RANBP2: variants seen among roughly 807,000 people sequenced by gnomAD.
RANBP2 encodes E3 SUMO-protein ligase RanBP2.
A neutral mutation model predicts 303.6 loss-of-function variants in RANBP2; 57 were observed. The ratio of observed to expected loss-of-function variants is 0.19; its 90% confidence interval spans 0.15 to 0.23. The LOEUF (loss-of-function observed/expected upper bound fraction) is 0.23. Ranked by LOEUF, RANBP2 falls within the 10% of genes least tolerant of loss-of-function variation. The probability of loss-of-function intolerance (pLI) is 1.00; values close to 1 mark genes in which losing one functional copy is unlikely to be tolerated. For synonymous variants in RANBP2, 1,167 were observed against 1,301.5 expected (o/e 0.90, Z 2.23); for missense variants, 3,138 against 3,780.8 (o/e 0.83, Z 4.46).
chr2:109,028,133 A>G, the RANBP2 span, among the ~76,000 whole-genome samples: 1 of 152,124 alleles, frequency 6.6e-6, no homozygotes, highest in African/African-American at 2.4e-5. Flanking sequence ...TACCTGGGCC[A>G]GGTGACATAC....
At chr2:109,495,547 G>A in the RANBP2 span, among the ~76,000 whole-genome samples, 17 of 134,004 alleles carry the variant, frequency 1.3e-4, no homozygotes, top group African/African-American at 4.4e-4. Flanking sequence ...AGTGTGCAGC[G>A]GTGCAATCTT....
At chr2:109,574,735 T>G in the RANBP2 span, 17 of 1,598,626 alleles carry the variant, frequency 1.1e-5, no homozygotes, top group Non-Finnish European at 1.3e-5. Flanking sequence ...GGCCTCAAAC[T>G]GAGCATCTAT....
the RANBP2 span, among the ~76,000 whole-genome samples, chr2:109,402,671 A>T: frequency 1.3e-5 from 2 of 152,214 alleles, no homozygotes; most frequent in Non-Finnish European, 2.9e-5. Flanking sequence ...GACTGACAGG[A>T]TGAATTCTTG....
the RANBP2 span, among the ~76,000 whole-genome samples, chr2:109,672,490 A>AG: frequency 3.3e-5 from 5 of 152,364 alleles, no homozygotes; most frequent in East Asian, 9.6e-4. Context: ...AATTGTTTTA[A>AG]GGCCAAGGTT....
At chr2:109,202,402 C>T in the RANBP2 span, among the ~76,000 whole-genome samples, 7 of 152,248 alleles carry the variant, frequency 4.6e-5, no homozygotes, top group South Asian at 1.5e-3. Context: ...CCTAATTGCC[C>T]GAACTTAATT....
the RANBP2 span, among the ~76,000 whole-genome samples, chr2:109,524,455 A>C: frequency 1.4e-5 from 1 of 70,748 alleles, no homozygotes; most frequent in East Asian, 3.4e-4. Flanking sequence ...AAAAAAAAAA[A>C]AAAAAAAAAA....
the RANBP2 span, among the ~76,000 whole-genome samples, chr2:109,175,978 G>T: frequency 6.6e-6 from 1 of 152,166 alleles, no homozygotes; most frequent in African/African-American, 2.4e-5. Flanking sequence ...AGATCAGAGA[G>T]CAAGCAGAAA....
At chr2:109,001,878 C>T in the RANBP2 span, among the ~76,000 whole-genome samples, 6 of 151,868 alleles carry the variant, frequency 4.0e-5, no homozygotes, top group African/African-American at 7.3e-5. Flanking sequence ...TATAGGCGCC[C>T]GCCACCACGC....
the RANBP2 span, among the ~76,000 whole-genome samples, chr2:109,212,683 C>G: frequency 6.6e-6 from 1 of 152,208 alleles, no homozygotes; most frequent in Admixed American, 6.5e-5. Context: ...ATGGACTCAC[C>G]TGATTGTAAT....
the RANBP2 span, among the ~76,000 whole-genome samples, chr2:109,769,188 CCTA>C: frequency 1.3e-5 from 1 of 75,230 alleles, no homozygotes; most frequent in Non-Finnish European, 2.6e-5. Flanking sequence ...TTCCTAGTGT[CCTA>C]CGAGAAATCA....
chr2:109,151,797 C>T, the RANBP2 span, among the ~76,000 whole-genome samples: 233 of 152,334 alleles, frequency 1.5e-3, no homozygotes, highest in Middle Eastern at 3.4e-3. Context: ...CTTTTTATGA[C>T]TCTAATAGAT....
the RANBP2 span, among the ~76,000 whole-genome samples, chr2:109,382,829 G>C: frequency 6.6e-6 from 1 of 152,342 alleles, no homozygotes; most frequent in African/African-American, 2.4e-5. Flanking sequence ...AGGATTCCTA[G>C]TGCAGAGACA....
chr2:109,069,614 C>A, the RANBP2 span, among the ~76,000 whole-genome samples: 1 of 152,184 alleles, frequency 6.6e-6, no homozygotes, highest in African/African-American at 2.4e-5. Flanking sequence ...TGTTCCAGAA[C>A]GTGGTTCAGA....
chr2:109,052,420 G>A, the RANBP2 span, among the ~76,000 whole-genome samples: 2 of 152,140 alleles, frequency 1.3e-5, no homozygotes, highest in African/African-American at 2.4e-5. Flanking sequence ...CCTGGGCTCA[G>A]CATATTACAT....
chr2:108,805,979 G>T, the RANBP2 span, among the ~76,000 whole-genome samples: 129 of 150,694 alleles, frequency 8.6e-4, 1 homozygote, highest in African/African-American at 3.0e-3. Context: ...CTGGGAATCT[G>T]TATGGATTAT....
the RANBP2 span, chr2:109,128,227 C>T: frequency 6.6e-6 from 1 of 152,262 alleles, no homozygotes; most frequent in Admixed American, 6.5e-5. Flanking sequence ...TGCTCTCGGT[C>T]CTCCTGTACG....
At chr2:108,720,063 G>T (rs1402553092) in intron 1 of RANBP2, 139 of 984,560 alleles carry the variant, frequency 1.4e-4, no homozygotes, top group Non-Finnish European at 1.7e-4. Context: ...CCCATCTCCT[G>T]GACATATACT....
chr2:109,486,560 C>A, the RANBP2 span, among the ~76,000 whole-genome samples: 3 of 152,198 alleles, frequency 2.0e-5, no homozygotes, highest in African/African-American at 7.2e-5. Context: ...ATGCATTAGT[C>A]CTTTAAAAGC....
At chr2:109,238,210 T>A in the RANBP2 span, among the ~76,000 whole-genome samples, 6 of 151,964 alleles carry the variant, frequency 3.9e-5, no homozygotes, top group Non-Finnish European at 7.4e-5. Context: ...TAAAAAAAAA[T>A]AATAAAATAA....
Sources: gnomAD v4.1 joint callset for allele counts (sites outside exome capture counted in the v4.1 genomes callset) on GRCh38, gnomAD v4.1.1 for gene constraint, MANE v1.5 for transcripts, NCBI Gene and HGNC (gene_info 2026-07-23, HGNC 2026-07-21) for gene names.